The following TEK variants were observed in gnomAD, a reference collection of about 807,000 sequenced individuals.
The protein encoded by TEK is angiopoietin-1 receptor.
TEK carries 43 observed loss-of-function variants against 131.8 expected under a neutral mutation model. That is an observed-to-expected ratio of 0.33 (90% CI 0.26 to 0.42). The LOEUF is 0.42. Ranked by LOEUF, TEK falls within the 10% of genes least tolerant of loss-of-function variation. The pLI is 1.00. For synonymous variants in TEK, 580 were observed against 491.6 expected, an observed-to-expected ratio of 1.18 and a Z score of -2.38; for missense variants, 1,162 against 1,384.4, an observed-to-expected ratio of 0.84 and a Z score of 2.55.
intron 1 of TEK, among the ~76,000 whole-genome samples, chr9:27,118,800 A>T (rs1418373667): frequency 6.6e-6 from 1 of 152,232 alleles, no homozygotes. Flanking sequence ...TTCAAACAGA[A>T]GATGCACAAC....
At chr9:27,212,574 G>A in intron 16 of TEK, 133 bp from the exon 17 acceptor site, 2 of 910,798 alleles carry the variant, frequency 2.2e-6, no homozygotes, top group South Asian at 1.4e-5. Flanking sequence ...GTCCCCCAGT[G>A]CTCCCTGGGT....
chr9:27,181,821 A>G (rs1465872881), intron 7 of TEK, among the ~76,000 whole-genome samples: 1 of 152,214 alleles, frequency 6.6e-6, no homozygotes, highest in African/African-American at 2.4e-5. Flanking sequence ...ATAAATATGT[A>G]TTGCTTTTTC....
chr9:27,194,850 T>C (rs925251205), intron 11 of TEK, among the ~76,000 whole-genome samples: 1 of 152,038 alleles, frequency 6.6e-6, no homozygotes, highest in African/African-American at 2.4e-5. Context: ...TGTGTGTTGA[T>C]TGAGATGGTG....
chr9:27,161,247 C>G (rs929335828), intron 2 of TEK, among the ~76,000 whole-genome samples: 8 of 152,164 alleles, frequency 5.3e-5, no homozygotes, highest in African/African-American at 4.8e-5. Flanking sequence ...GAGAAGATGG[C>G]TTTTAGAATT....
intron 7 of TEK, among the ~76,000 whole-genome samples, chr9:27,181,966 A>G (rs1824394422): frequency 1.4e-5 from 2 of 140,964 alleles, no homozygotes; most frequent in Admixed American, 7.4e-5. Context: ...GTGGGATGCC[A>G]GTAAGTGTTT....
At chr9:27,218,690 A>G in intron 19 of TEK, 87 bp from the exon 20 acceptor site, 3 of 1,362,716 alleles carry the variant, frequency 2.2e-6, no homozygotes, top group Non-Finnish European at 3.2e-6. Flanking sequence ...TTTCTCAGAA[A>G]GGGTGGGTCT....
chr9:27,206,933 T>C, intron 15 of TEK, 141 bp downstream of exon 15: 1 of 949,098 alleles, frequency 1.1e-6, no homozygotes, highest in Non-Finnish European at 1.6e-6. Context: ...AAGGTTATGC[T>C]TCCTTTGAAG....
intron 22 of TEK, among the ~76,000 whole-genome samples, 180 bp from the exon 23 acceptor site, chr9:27,228,978 G>C (rs1826451270): frequency 6.6e-6 from 1 of 152,200 alleles, no homozygotes. Context: ...AACGCAAGGG[G>C]ATGCATTTTA....
chr9:27,122,946 G>C (rs1821847244), intron 1 of TEK, among the ~76,000 whole-genome samples: 1 of 151,342 alleles, frequency 6.6e-6, no homozygotes, highest in South Asian at 2.1e-4. Flanking sequence ...CCAGCTACCT[G>C]GGAGGCTGAG....
intron 1 of TEK, among the ~76,000 whole-genome samples, chr9:27,137,009 G>C (rs567547714): frequency 6.6e-6 from 1 of 152,160 alleles, no homozygotes; most frequent in East Asian, 1.9e-4. Flanking sequence ...TCTGCCTCCC[G>C]GGTTCAAGCG....
At chr9:27,138,712 A>C (rs1365388541) in intron 1 of TEK, among the ~76,000 whole-genome samples, 1 of 152,182 alleles carries the variant, frequency 6.6e-6, no homozygotes, top group Admixed American at 6.5e-5. Flanking sequence ...TTTTTCAATC[A>C]CAGATGGAAA....
At chr9:27,140,497 A>G (rs1001980891) in intron 1 of TEK, among the ~76,000 whole-genome samples, 2 of 151,488 alleles carry the variant, frequency 1.3e-5, no homozygotes, top group African/African-American at 4.8e-5. Flanking sequence ...ATTTCCCTTT[A>G]TGGGTTATTT....
rs61437731 is a variant in TEK, at chr9:27,121,730, G to C, written c.52+12088G>C. Among the ~76,000 whole-genome samples, 1,540 of 152,180 alleles carry C rather than the reference G, an allele frequency of 0.01. 133 individuals are homozygous for C. In the East Asian group the frequency reaches 0.22, roughly 22 times the overall value. On this transcript the variant is annotated intron_variant, in intron 1 of 22. Coordinates refer to ENST00000380036, the MANE Select transcript of TEK (RefSeq NM_000459.5). ...TAATGATTGATAGAAAAATTGCACAGGTGATATGTAGACTCAGTAAGAATC... is the reference window on the plus strand; with the variant it reads ...TAATGATTGATAGAAAAATTGCACACGTGATATGTAGACTCAGTAAGAATC...
At chr9:27,153,884 G>A (rs994836609) in intron 1 of TEK, among the ~76,000 whole-genome samples, 6 of 152,150 alleles carry the variant, frequency 3.9e-5, no homozygotes, top group Non-Finnish European at 8.8e-5. Flanking sequence ...TCGTTGTCGT[G>A]GAGCCTCTGC....
rs776229235 is a variant in TEK, at chr9:27,180,361, G to T, written c.1023G>T (p.Glu341Asp). 6.2e-7 allele frequency: 1 copy of T among 1,613,118 alleles called. No individual in the cohort carries two copies. ...CAGGATGGCAGGGGCTCCAGTGTGA[G>T]AGAGAAGGTAAAGCAAGGTAACACT... ...CSPGWQGLQC[E>D]REGIQRMTPK... is the part of the protein sequence containing the mutation. Residue 341 changes from glutamate (E) to aspartate (D), a missense_variant, in exon 7 of 23, where the codon GAG becomes GAT. Physicochemically the swap from Glu to Asp is conservative, Grantham distance 45 (BLOSUM62 2). Coordinates refer to ENST00000380036, the MANE Select transcript of TEK (RefSeq NM_000459.5).
chr9:27,130,121 G>T (rs960475151), intron 1 of TEK, among the ~76,000 whole-genome samples: 1 of 152,128 alleles, frequency 6.6e-6, no homozygotes, highest in African/African-American at 2.4e-5. Context: ...AAAAAGAAAA[G>T]TAATGTCTTG....
intron 1 of TEK, among the ~76,000 whole-genome samples, chr9:27,145,586 AAGAC>A (rs1358242162): frequency 6.6e-6 from 1 of 152,240 alleles, no homozygotes; most frequent in Non-Finnish European, 1.5e-5. Flanking sequence ...TGAGGAAACT[AAGAC>A]AGAACTTCAA....
intron 12 of TEK, among the ~76,000 whole-genome samples, chr9:27,198,969 A>G (rs1036411551): frequency 6.6e-6 from 1 of 151,714 alleles, no homozygotes; most frequent in African/African-American, 2.4e-5. Flanking sequence ...GACTTTTTTT[A>G]AAAATTTTTT....
At chr9:27,114,963 CT>C in intron 1 of TEK, among the ~76,000 whole-genome samples, 1 of 152,242 alleles carries the variant, frequency 6.6e-6, no homozygotes, top group Non-Finnish European at 1.5e-5. Flanking sequence ...TGAGGGTTTC[CT>C]TTGAGCCATG....
Sources: gnomAD v4.1 joint callset for allele counts (sites outside exome capture counted in the v4.1 genomes callset) on GRCh38, gnomAD v4.1.1 for gene constraint, MANE v1.5 for transcripts, NCBI Gene and HGNC (gene_info 2026-07-23, HGNC 2026-07-21) for gene names.